The following AGBL4 variants were observed in gnomAD, a reference collection of about 807,000 sequenced individuals.
The protein encoded by AGBL4 is cytosolic carboxypeptidase 6.
In AGBL4, 58 loss-of-function variants were observed where a neutral mutation model predicts 66.4. The ratio of observed to expected loss-of-function variants is 0.87; its 90% CI spans 0.71 to 1.09. The LOEUF (loss-of-function observed/expected upper bound fraction) is 1.09. Ranked by LOEUF, AGBL4 falls within the 50% of genes least tolerant of loss-of-function variation. The pLI, the probability that AGBL4 is intolerant of heterozygous loss-of-function variation, is 0.00. For missense variants in AGBL4, 579 were observed against 631.0 expected (o/e 0.92, Z 0.88); for synonymous variants, 234 against 222.9 (o/e 1.05, Z -0.44).
At chr1:49,284,442 G>T (rs1303076161) in intron 3 of AGBL4, among the ~76,000 whole-genome samples, 2 of 152,042 alleles carry the variant, frequency 1.3e-5, no homozygotes, top group Non-Finnish European at 2.9e-5. Flanking sequence ...AGACCATCGA[G>T]ACTAGGAAGA....
At chr1:49,505,482 T>C (rs1018102662) in intron 3 of AGBL4, among the ~76,000 whole-genome samples, 1 of 152,026 alleles carries the variant, frequency 6.6e-6, no homozygotes, top group Admixed American at 6.6e-5. Flanking sequence ...TTCTGAAGGA[T>C]AGCTTTGTCA....
intron 3 of AGBL4, among the ~76,000 whole-genome samples, chr1:49,345,798 A>G (rs1645623927): frequency 1.3e-5 from 2 of 152,154 alleles, no homozygotes; most frequent in Non-Finnish European, 2.9e-5. Context: ...TAACTTATGA[A>G]AATATAGTTA....
chr1:49,006,186 A>C (rs1204116025), intron 5 of AGBL4, among the ~76,000 whole-genome samples: 1 of 152,144 alleles, frequency 6.6e-6, no homozygotes, highest in Non-Finnish European at 1.5e-5. Context: ...GCGCGAGCCA[A>C]AGCAGGGTGA....
At chr1:48,660,901 G>A (rs1418870287) in intron 7 of AGBL4, among the ~76,000 whole-genome samples, 5 of 152,110 alleles carry the variant, frequency 3.3e-5, no homozygotes. Flanking sequence ...GTGGGACAAG[G>A]GAACATGTAC....
chr1:48,582,313 T>C (rs1644751843), intron 11 of AGBL4, among the ~76,000 whole-genome samples: 1 of 152,216 alleles, frequency 6.6e-6, no homozygotes, highest in Non-Finnish European at 1.5e-5. Context: ...ATCCAATTAA[T>C]CTAAGCATGG....
chr1:49,694,962 T>A (rs935499245), intron 3 of AGBL4, among the ~76,000 whole-genome samples: 7 of 152,136 alleles, frequency 4.6e-5, no homozygotes, highest in Non-Finnish European at 8.8e-5. Flanking sequence ...AGGAATTTAA[T>A]GTGACCCAAA....
intron 3 of AGBL4, among the ~76,000 whole-genome samples, chr1:49,467,090 GACAGGGAA>G (rs1195257799): frequency 6.6e-6 from 1 of 151,844 alleles, no homozygotes; most frequent in East Asian, 1.9e-4. Flanking sequence ...GGTAGGAGGT[GACAGGGAA>G]TTGGGGTTGA....
chr1:49,941,465 A>G (rs1654753705), intron 1 of AGBL4, among the ~76,000 whole-genome samples: 1 of 152,164 alleles, frequency 6.6e-6, no homozygotes, highest in Admixed American at 6.5e-5. Context: ...GATGAACATG[A>G]TGCAAAAATC....
At chr1:49,583,680 C>A (rs1644590148) in intron 3 of AGBL4, among the ~76,000 whole-genome samples, 1 of 152,068 alleles carries the variant, frequency 6.6e-6, no homozygotes, top group Non-Finnish European at 1.5e-5. Context: ...ATATGGAAAA[C>A]AGCGACACAT....
Position 49,721,747 on chromosome 1 carries a change from A to G in AGBL4, c.158-24310T>C, listed in dbSNP as rs537090540. Among the ~76,000 whole-genome samples the G allele has an allele frequency of 5.3e-5, 8 of 152,258 alleles. No individual in the cohort carries two copies. In the East Asian group the frequency reaches 1.4e-3, roughly 26 times the overall value. ...ATGGAGACTCACATGAAGCAATGAA[A>G]GGAAGGAGTGGATTACAAAGATAGA... On this transcript the variant is annotated intron_variant, in intron 2 of 13. Transcript: ENST00000371839.
At chr1:48,828,044 A>ACACT in intron 6 of AGBL4, among the ~76,000 whole-genome samples, 1 of 145,126 alleles carries the variant, frequency 6.9e-6, no homozygotes, top group South Asian at 2.2e-4. Flanking sequence ...ACACACACAC[A>ACACT]AATTAGCCGG....
intron 6 of AGBL4, among the ~76,000 whole-genome samples, chr1:48,746,629 C>T (rs1302323516): frequency 2.0e-5 from 3 of 152,248 alleles, no homozygotes; most frequent in Non-Finnish European, 2.9e-5. Context: ...TACAGAAGGT[C>T]GGCTTGAAAA....
chr1:48,844,168 G>A (rs1223496243), intron 6 of AGBL4, among the ~76,000 whole-genome samples: 1 of 152,132 alleles, frequency 6.6e-6, no homozygotes, highest in Non-Finnish European at 1.5e-5. Flanking sequence ...CCCTAGCTCT[G>A]CCCTGATGCC....
chr1:49,249,818 CTAAGTGTGGATCAAT>C (rs1651911155), intron 3 of AGBL4, among the ~76,000 whole-genome samples: 1 of 152,228 alleles, frequency 6.6e-6, no homozygotes, highest in East Asian at 1.9e-4. Flanking sequence ...TGGAATCAAC[CTAAGTGTGGATCAAT>C]GGATGAATGG....
Position 49,377,769 on chromosome 1 carries a change from G to T in AGBL4, c.283-131905C>A, listed in dbSNP as rs78817458. ...GCATACAGCATGAATTTCGTTACTG[G>T]TGAGAATCCTGAGCTAAGATAATTC... On this transcript the variant is annotated intron_variant, in intron 3 of 13. Transcript: ENST00000371839. Among the ~76,000 whole-genome samples, 1,037 of 152,134 alleles carry T rather than the reference G, an allele frequency of 6.8e-3. 11 individuals carry two copies. The highest frequency in any genetic ancestry group is 0.023 in the African/African-American group (965 of 41,516).
chr1:49,617,927 C>T (rs918562315), intron 3 of AGBL4, among the ~76,000 whole-genome samples: 65 of 152,284 alleles, frequency 4.3e-4, no homozygotes, highest in African/African-American at 1.6e-3. Context: ...CATAGGTATA[C>T]ATGTGCCATG....
chr1:49,597,902 T>C lies in AGBL4; in HGVS notation c.282+99411A>G, dbSNP rs1016116266. Among the ~76,000 whole-genome samples the C allele has an allele frequency of 3.3e-5, 5 of 152,336 alleles. No individual in the cohort carries two copies. In the East Asian group the frequency reaches 9.7e-4, roughly 29 times the overall value. On this transcript the variant is annotated intron_variant, in intron 3 of 13. Coordinates refer to ENST00000371839, the MANE Select transcript of AGBL4 (RefSeq NM_032785.4). ...ACTTTGCTGAAGTTGCTTATCATCC[T>C]AAGAAGATTTTGGGCTGAGCCGATG... is the stretch of plus-strand genomic sequence containing the variant.
intron 3 of AGBL4, among the ~76,000 whole-genome samples, chr1:49,287,751 T>G (rs1331906011): frequency 6.8e-6 from 1 of 147,354 alleles, no homozygotes; most frequent in African/African-American, 2.5e-5. Flanking sequence ...TAGGAACACT[T>G]TTACACTGTT....
chr1:48,861,218 C>A (rs549407020), intron 6 of AGBL4, among the ~76,000 whole-genome samples: 2 of 151,916 alleles, frequency 1.3e-5, no homozygotes, highest in Non-Finnish European at 2.9e-5. Context: ...TGCAGTAAGA[C>A]AAAAATAATA....
Sources: allele counts gnomAD v4.1 joint callset (sites outside exome capture counted in the v4.1 genomes callset), GRCh38; gene constraint gnomAD v4.1.1; transcripts MANE v1.5; gene names NCBI Gene and HGNC (gene_info 2026-07-23, HGNC 2026-07-21).